The following CDC5L variants were observed in gnomAD, a reference collection of about 807,000 sequenced individuals.
CDC5L encodes the protein cell division cycle 5 like.
In CDC5L, 18 loss-of-function variants were observed where a neutral mutation model predicts 104.1. That is an observed-to-expected ratio of 0.17 (90% CI 0.12 to 0.26). The LOEUF is 0.26. Ranked by LOEUF, CDC5L falls within the 10% of genes least tolerant of loss-of-function variation. The pLI, the probability that CDC5L is intolerant of heterozygous loss-of-function variation, is 1.00. For synonymous variants in CDC5L, 331 were observed against 322.7 expected (o/e 1.03, Z -0.28); for missense variants, 673 against 956.9 (o/e 0.70, Z 3.91).
intron 8 of CDC5L, among the ~76,000 whole-genome samples, chr6:44,411,193 G>T (rs1481827184): frequency 6.6e-6 from 1 of 152,040 alleles, no homozygotes; most frequent in African/African-American, 2.4e-5. Flanking sequence ...CTAGAAGTGG[G>T]TGGGGGGCAA....
At chr6:44,420,329 C>T (rs916793240) in intron 9 of CDC5L, among the ~76,000 whole-genome samples, 9 of 151,798 alleles carry the variant, frequency 5.9e-5, no homozygotes, top group Non-Finnish European at 1.2e-4. Flanking sequence ...CATCCCAAAT[C>T]TGAAAATCCA....
chr6:44,390,674 G>A (rs1160359476), intron 2 of CDC5L, among the ~76,000 whole-genome samples: 6 of 152,124 alleles, frequency 3.9e-5, no homozygotes, highest in Non-Finnish European at 8.8e-5. Flanking sequence ...AGAGTGCTTT[G>A]TGAAGCATAC....
intron 5 of CDC5L, among the ~76,000 whole-genome samples, chr6:44,398,190 C>G (rs1004834551): frequency 4.6e-5 from 7 of 152,144 alleles, no homozygotes; most frequent in Admixed American, 3.9e-4. Flanking sequence ...GGACAGTAAA[C>G]AGAAACCAAG....
chr6:44,433,376 T>C (rs1490835251), intron 14 of CDC5L, among the ~76,000 whole-genome samples: 1 of 152,212 alleles, frequency 6.6e-6, no homozygotes, highest in Non-Finnish European at 1.5e-5. Context: ...GTGTTCTAAT[T>C]TGTTTCTACT....
chr6:44,435,919 T>A (rs767099132), intron 14 of CDC5L, among the ~76,000 whole-genome samples: 5 of 151,802 alleles, frequency 3.3e-5, no homozygotes, highest in Non-Finnish European at 7.4e-5. Context: ...GTAGCTGAGA[T>A]TACAGGTGCC....
Position 44,390,365 on chromosome 6 carries a change from C to G in CDC5L, c.143C>G (p.Ala48Gly). ...AGAAAATCAGCAAAGCAGTGCAAAG[C>G]CAGATGGTATGTATCAGTTTAATAA... is the stretch of plus-strand genomic sequence containing the variant. ...LHRKSAKQCK[A>G]RWYEWLDPSI... is the part of the protein sequence containing the mutation. The change falls in exon 2 of 16, where the codon GCC becomes GGC. Residue 48 changes from alanine (A) to glycine (G), a missense_variant. Ala to Gly is a moderately conservative substitution (Grantham distance 60). This residue lies in a region of CDC5L where 74 missense variants were observed against 123.5 expected (regional missense o/e 0.60). Coordinates refer to ENST00000371477, the MANE Select transcript of CDC5L (RefSeq NM_001253.4). The G allele has an allele frequency of 3.1e-6, 5 of 1,596,194 alleles. No individual in the cohort carries two copies. The highest frequency in any genetic ancestry group is 4.3e-6 in the Non-Finnish European group (5 of 1,164,446).
At chr6:44,425,143 C>A (rs1393303638) in intron 11 of CDC5L, among the ~76,000 whole-genome samples, 1 of 152,074 alleles carries the variant, frequency 6.6e-6, no homozygotes, top group Non-Finnish European at 1.5e-5. Flanking sequence ...CTCATTTGCA[C>A]GTAACAGCAC....
At position 44,447,243 on chromosome 6, in the gene CDC5L, A is replaced by G. The variant is rs1048678957; in HGVS notation, c.*532A>G. The G allele has an allele frequency of 6.6e-6, 1 of 152,012 alleles. No homozygotes were observed. Among genetic ancestry groups the G allele is most frequent in the Non-Finnish European group, 1.5e-5 (1 of 68,020 alleles). The allele number at this position is 152,012 out of a possible 1,614,324, so 9.4% of individuals were successfully genotyped here. On this transcript the variant is annotated 3_prime_UTR_variant, in exon 16 of 16. Transcript: ENST00000371477. ...TCATTTCTGTATACACTGACAAGTT[A>G]GATTAACTTTTTAGTACCTCAAATT...
At chr6:44,438,088 A>G (rs1433243706) in intron 14 of CDC5L, among the ~76,000 whole-genome samples, 2 of 152,162 alleles carry the variant, frequency 1.3e-5, no homozygotes, top group African/African-American at 4.8e-5. Flanking sequence ...AGCTGGAACC[A>G]CAGGCATGTG....
At chr6:44,406,301 T>A (rs372280168) in intron 6 of CDC5L, 22 bp from the exon 7 acceptor site, 88 of 1,564,374 alleles carry the variant, frequency 5.6e-5, no homozygotes, top group Non-Finnish European at 7.5e-5. Context: ...AAAAATCTCT[T>A]TTCTACTTTG....
intron 8 of CDC5L, among the ~76,000 whole-genome samples, chr6:44,418,940 T>C (rs372580725): frequency 6.6e-6 from 1 of 151,846 alleles, no homozygotes; most frequent in Non-Finnish European, 1.5e-5. Flanking sequence ...TTCTCCCATT[T>C]TGTAGGTTGC....
chr6:44,419,727 A>G, intron 9 of CDC5L, 130 bp downstream of exon 9: 1 of 704,098 alleles, frequency 1.4e-6, no homozygotes, highest in Non-Finnish European at 2.4e-6. Flanking sequence ...TCTTCTTCAT[A>G]GTAATAAATA....
In CDC5L at chr6:44,429,794, C is replaced by A; in HGVS notation, c.1975C>A (p.Gln659Lys). The part of the protein sequence containing the change: ...HGELSSEAYN[Q>K]VWEECYSQVL... ...AGAGCTCTCAAGTGAAGCTTATAAC[C>A]AGGTGTGGGAAGAATGCTACAGTCA... is the stretch of plus-strand genomic sequence containing the variant. Residue 659 changes from glutamine (Q) to lysine (K), a missense_variant, in exon 14 of 16, where the codon CAG (glutamine) becomes AAG (lysine). Around this residue, in one of 4 missense-constraint regions of CDC5L, gnomAD observed 578 missense variants for 737.0 expected, o/e 0.78. Coordinates refer to ENST00000371477, the MANE Select transcript of CDC5L (RefSeq NM_001253.4). 1 of 1,614,026 alleles carries A rather than the reference C, an allele frequency of 6.2e-7. No individual in the cohort carries two copies.
At chr6:44,391,334 T>G (rs1295383064) in intron 2 of CDC5L, among the ~76,000 whole-genome samples, 1 of 151,962 alleles carries the variant, frequency 6.6e-6, no homozygotes, top group East Asian at 1.9e-4. Flanking sequence ...CTGCAAGCTT[T>G]GCCTCCCGGG....
chr6:44,395,785 G>T (rs1236213306), intron 4 of CDC5L, among the ~76,000 whole-genome samples: 2 of 152,106 alleles, frequency 1.3e-5, no homozygotes, highest in African/African-American at 2.4e-5. Flanking sequence ...GGACAGCCTT[G>T]CATAGGAATT....
chr6:44,434,076 G>C, intron 14 of CDC5L, among the ~76,000 whole-genome samples: 1 of 152,258 alleles, frequency 6.6e-6, no homozygotes, highest in Non-Finnish European at 1.5e-5. Flanking sequence ...TCTGTTCTTT[G>C]CTATGACCCT....
intron 5 of CDC5L, among the ~76,000 whole-genome samples, chr6:44,403,254 T>A (rs1791212114): frequency 6.6e-6 from 1 of 152,074 alleles, no homozygotes; most frequent in Non-Finnish European, 1.5e-5. Context: ...AAATAAAACT[T>A]TTGTCATTTT....
At chr6:44,398,104 C>T (rs1581643676) in intron 5 of CDC5L, among the ~76,000 whole-genome samples, 2 of 152,152 alleles carry the variant, frequency 1.3e-5, no homozygotes, top group Admixed American at 1.3e-4. Context: ...TTTTTAATGT[C>T]TGAGGATGCA....
intron 8 of CDC5L, among the ~76,000 whole-genome samples, chr6:44,412,601 A>AT (rs1491494241): frequency 5.9e-5 from 4 of 67,246 alleles, no homozygotes; most frequent in Admixed American, 2.4e-4. Flanking sequence ...TAAAAAAAAT[A>AT]GTTTTTTTTT....
Sources: gnomAD v4.1 joint callset for allele counts (sites outside exome capture counted in the v4.1 genomes callset) on GRCh38, gnomAD v4.1.1 for gene constraint, gnomAD v4.1.1 regional missense constraint, MANE v1.5 for transcripts, NCBI Gene and HGNC (gene_info 2026-07-23, HGNC 2026-07-21) for gene names.